IGLON5: variants seen among roughly 807,000 people sequenced by gnomAD.
IGLON5 encodes Ig-like domain-containing protein ENSP00000270642.
A neutral mutation model predicts 38.2 loss-of-function variants in IGLON5; 16 were observed. The observed-to-expected ratio is 0.42, with a 90% CI of 0.28 to 0.64. The LOEUF is 0.64. IGLON5 is among the 30% of genes least tolerant of loss of function. IGLON5 has a pLI of 0.23. For synonymous variants in IGLON5, 207 were observed against 216.4 expected, an observed-to-expected ratio of 0.96 and a Z score of 0.38; for missense variants, 366 against 483.4, an observed-to-expected ratio of 0.76 and a Z score of 2.28.
In IGLON5 at chr19:51,327,820, T is replaced by C; in HGVS notation, c.856T>C (p.Tyr286His). The C allele has an allele frequency of 6.4e-7, 1 of 1,554,020 alleles. No homozygotes were observed. Among genetic ancestry groups the C allele is most frequent in the East Asian group, 2.4e-5 (1 of 41,052 alleles). The stretch of plus-strand genomic sequence containing the variant: ...CTTTGCCAACGTGAGCGCCCGGCAT[T>C]ACGGCAACTATACGTGTCGCGCCGC... ...LLFANVSARH[Y>H]GNYTCRAANR... The change falls in exon 7 of 8, where the codon TAC (tyrosine) becomes CAC (histidine). Residue 286 changes from tyrosine to histidine, a missense_variant. Transcript: ENST00000270642. This position sits in a 1 kb window ranked among gnomAD's most constrained non-coding sequence, Gnocchi z 7.1.
chr19:51,316,772 G>T (rs1256495587), intron 1 of IGLON5, among the ~76,000 whole-genome samples: 1 of 152,088 alleles, frequency 6.6e-6, no homozygotes, highest in Non-Finnish European at 1.5e-5. Context: ...GGCATTATAG[G>T]CGTGAACCAC....
intron 1 of IGLON5, among the ~76,000 whole-genome samples, chr19:51,312,802 A>G (rs1338492282): frequency 1.3e-5 from 2 of 152,112 alleles, no homozygotes; most frequent in African/African-American, 4.8e-5. Flanking sequence ...AGGTTTCTGC[A>G]CTGAGGTTAG....
In IGLON5 at chr19:51,330,714, A is replaced by G. The variant is rs146570388; in HGVS notation, c.*1955A>G. On this transcript the variant is annotated 3_prime_UTR_variant, in exon 8 of 8. Coordinates refer to ENST00000270642, the MANE Select transcript of IGLON5 (RefSeq NM_001101372.3). ...AGATCTTGGCTCTGTGGGGATAGCA[A>G]TGGTGGGGAGGACAGCATATGGAGC... 8.5e-4 allele frequency among the ~76,000 whole-genome samples: 129 copies of G among 152,260 alleles called. 2 individuals are homozygous for G. The highest frequency in any genetic ancestry group is 7.6e-3 in the Admixed American group (116 of 15,284).
chr19:51,322,234 CA>C, intron 2 of IGLON5, 92 bp downstream of exon 2: 2 of 1,043,096 alleles, frequency 1.9e-6, no homozygotes, highest in South Asian at 2.6e-5. Flanking sequence ...GTTACAGGAA[CA>C]GCCTGGGATG....
Position 51,315,994 on chromosome 19 carries a change from G to A in IGLON5, c.79+4068G>A, listed in dbSNP as rs369021718. Among the ~76,000 whole-genome samples the A allele has an allele frequency of 1.2e-3, 182 of 147,976 alleles. 1 individual carries two copies. Among genetic ancestry groups the A allele is most frequent in the African/African-American group, 4.3e-3 (173 of 40,592 alleles). On this transcript the variant is annotated intron_variant, in intron 1 of 7. Coordinates refer to ENST00000270642, the MANE Select transcript of IGLON5 (RefSeq NM_001101372.3). ...CAGGCGTGAGCCACCACGCCCCGCC[G>A]GAAGTCAACCTTTCAAAGTTGACAG...
Position 51,323,593 on chromosome 19 carries a change from A to T in IGLON5, c.159-69A>T, listed in dbSNP as rs1228141634. ...ATGCGGTGGCCTCCTTCTCCCACCC[A>T]CCCCCTCGGTGGGGGAAGCCTCAGG... On this transcript the variant is annotated intron_variant, in intron 2 of 7. Transcript: ENST00000270642. The T allele has an allele frequency of 7.3e-6, 10 of 1,367,706 alleles. No homozygotes were observed. In the East Asian group the frequency reaches 2.5e-4, roughly 34 times the overall value. 84.7% of individuals were successfully genotyped at this position (1,367,706 alleles called of 1,614,324 possible).
At chr19:51,312,571 T>G (rs1253544766) in intron 1 of IGLON5, among the ~76,000 whole-genome samples, 1 of 151,566 alleles carries the variant, frequency 6.6e-6, no homozygotes, top group Admixed American at 6.6e-5. Context: ...AGGTTGCAGT[T>G]ATGTGGGGGA....
chr19:51,312,914 G>T, intron 1 of IGLON5, among the ~76,000 whole-genome samples: 1 of 151,626 alleles, frequency 6.6e-6, no homozygotes, highest in Non-Finnish European at 1.5e-5. Flanking sequence ...GTGCAAGGAG[G>T]CAGGAGGCTG....
chr19:51,319,326 T>C lies in IGLON5; in HGVS notation c.80-2738T>C, dbSNP rs114154078. Among the ~76,000 whole-genome samples the C allele has an allele frequency of 7.9e-3, 1,141 of 144,326 alleles. 15 individuals are homozygous for C. Among genetic ancestry groups the C allele is most frequent in the African/African-American group, 0.027 (1,044 of 38,290 alleles). 94.7% of individuals were successfully genotyped at this position (144,326 alleles called of 152,430 possible). A position where few individuals can be genotyped will look rare whatever the true frequency, so the allele number is the denominator to read the frequency against. ...GTGCGTGTGTGTGTGTGTGTGTGTG[T>C]GCGTCCAGCCGTGTGTGATCTGATC... On this transcript the variant is annotated intron_variant, in intron 1 of 7. Transcript: ENST00000270642.
At chr19:51,312,219 T>C (rs1984783598) in intron 1 of IGLON5, among the ~76,000 whole-genome samples, 1 of 150,916 alleles carries the variant, frequency 6.6e-6, no homozygotes, top group African/African-American at 2.4e-5. Flanking sequence ...CACCTAGCCC[T>C]GCCTGGGGGC....
chr19:51,330,385 A>G lies in IGLON5; in HGVS notation c.*1626A>G, dbSNP rs2123542115. ...CCTGCAGGTGTCAATGTCATTAAGGATTAGAGTTAATGAAGGGCAAAGGGT... is the reference window on the plus strand; with the variant it reads ...CCTGCAGGTGTCAATGTCATTAAGGGTTAGAGTTAATGAAGGGCAAAGGGT... On this transcript the variant is annotated 3_prime_UTR_variant, in exon 8 of 8. Transcript: ENST00000270642. 6.6e-6 allele frequency: 1 copy of G among 152,356 alleles called. No homozygotes were observed. The highest frequency in any genetic ancestry group is 1.9e-4 in the East Asian group (1 of 5,180). 9.4% of individuals were successfully genotyped at this position (152,356 alleles called of 1,614,324 possible).
chr19:51,318,437 C>A (rs74745998), intron 1 of IGLON5, among the ~76,000 whole-genome samples: 9,737 of 152,216 alleles, frequency 0.064, 448 homozygotes, highest in African/African-American at 0.13. Flanking sequence ...CCACTTCCCA[C>A]CCCAGTGACC....
At chr19:51,312,697 A>G (rs1391226387) in intron 1 of IGLON5, among the ~76,000 whole-genome samples, 2 of 149,974 alleles carry the variant, frequency 1.3e-5, no homozygotes, top group African/African-American at 4.9e-5. Context: ...TGGGCATGGG[A>G]GGATGAAGGA....
At chr19:51,312,555 T>C (rs928373642) in intron 1 of IGLON5, among the ~76,000 whole-genome samples, 4 of 151,960 alleles carry the variant, frequency 2.6e-5, no homozygotes, top group Admixed American at 2.6e-4. Flanking sequence ...GTGTTGGTAC[T>C]TGGGGAGGTT....
At chr19:51,314,832 T>C (rs754463095) in intron 1 of IGLON5, among the ~76,000 whole-genome samples, 4 of 152,192 alleles carry the variant, frequency 2.6e-5, no homozygotes, top group East Asian at 1.9e-4. Flanking sequence ...GCAAACCCCA[T>C]TGTGCTCCTG....
At chr19:51,314,521 G>A (rs1325740946) in intron 1 of IGLON5, among the ~76,000 whole-genome samples, 1 of 152,150 alleles carries the variant, frequency 6.6e-6, no homozygotes, top group Non-Finnish European at 1.5e-5. Context: ...TCATTACGGG[G>A]CTAGACTGGG....
At chr19:51,317,951 A>G (rs1173079888) in intron 1 of IGLON5, among the ~76,000 whole-genome samples, 1 of 152,184 alleles carries the variant, frequency 6.6e-6, no homozygotes, top group African/African-American at 2.4e-5. Flanking sequence ...TCAGGGATTT[A>G]TTATCTGGTC....
intron 1 of IGLON5, among the ~76,000 whole-genome samples, chr19:51,319,622 A>G (rs1214139163): frequency 6.6e-6 from 1 of 152,068 alleles, no homozygotes; most frequent in Non-Finnish European, 1.5e-5. Context: ...GGGGCTGTTG[A>G]TGTCGATGGA....
intron 1 of IGLON5, among the ~76,000 whole-genome samples, chr19:51,316,185 A>C (rs1242787559): frequency 4.5e-5 from 1 of 22,394 alleles, no homozygotes; most frequent in Non-Finnish European, 8.0e-5. Context: ...ATATCTACAA[A>C]AAAAAAAAAA....
Sources: gnomAD v4.1 joint callset for allele counts (sites outside exome capture counted in the v4.1 genomes callset) on GRCh38, gnomAD v4.1.1 for gene constraint, Gnocchi (gnomAD v3.1) non-coding constraint, MANE v1.5 for transcripts, NCBI Gene and HGNC (gene_info 2026-07-23, HGNC 2026-07-21) for gene names.